Variants in ZCWPW1 observed in about 807,000 individuals in gnomAD.
ZCWPW1 encodes the protein zinc finger CW-type and PWWP domain containing 1, also known as zinc finger CW-type PWWP domain protein 1.
A neutral mutation model predicts 81.3 loss-of-function variants in ZCWPW1; 56 were observed. That is an observed-to-expected ratio of 0.69 (90% CI 0.56 to 0.86). The LOEUF is 0.86. ZCWPW1 is among the 40% of genes least tolerant of loss of function. ZCWPW1 has a pLI of 0.00. For missense variants in ZCWPW1, 650 were observed against 769.8 expected, an observed-to-expected ratio of 0.84 and a Z score of 1.84; for synonymous variants, 250 against 273.7, an observed-to-expected ratio of 0.91 and a Z score of 0.86.
At chr7:100,418,318 GTTGT>G (rs1174298229) in intron 5 of ZCWPW1, among the ~76,000 whole-genome samples, 2 of 152,154 alleles carry the variant, frequency 1.3e-5, no homozygotes, top group Non-Finnish European at 2.9e-5. Flanking sequence ...CTTATTTGAA[GTTGT>G]TTGTAAATAC....
chr7:100,402,075 A>G (rs1186302533), intron 16 of ZCWPW1, 34 bp from the exon 17 acceptor site: 1 of 1,579,646 alleles, frequency 6.3e-7, no homozygotes, highest in Non-Finnish European at 8.6e-7. Context: ...ATTTCTCTCT[A>G]AACGACAACT....
chr7:100,415,960 A>G lies in ZCWPW1; in HGVS notation c.754+15T>C, dbSNP rs759313768. 1 of 1,613,816 alleles carries G rather than the reference A, an allele frequency of 6.2e-7. No individual in the cohort carries two copies. The highest frequency in any genetic ancestry group is 8.5e-7 in the Non-Finnish European group (1 of 1,179,918). ...TTTTCAGGCCAAGTAGGTTTGCCAA[A>G]CCAGCTAAACTCACCAAAACCACTT... On this transcript the variant is annotated intron_variant, in intron 8 of 17. Transcript: ENST00000684423.
chr7:100,423,798 G>T (rs1796781312), intron 2 of ZCWPW1, among the ~76,000 whole-genome samples: 1 of 152,132 alleles, frequency 6.6e-6, no homozygotes, highest in South Asian at 2.1e-4. Flanking sequence ...GCCAGGCATG[G>T]TGGCTCACAC....
intron 8 of ZCWPW1, among the ~76,000 whole-genome samples, chr7:100,412,581 T>A (rs201675679): frequency 9.8e-5 from 15 of 152,292 alleles, no homozygotes; most frequent in East Asian, 9.6e-4. Context: ...ATTTTATTTT[T>A]TTTTTATTTA....
At chr7:100,423,096 A>T (rs1164593733) in intron 2 of ZCWPW1, among the ~76,000 whole-genome samples, 3 of 152,178 alleles carry the variant, frequency 2.0e-5, no homozygotes, top group Admixed American at 6.6e-5. Context: ...ACCTTTAGGG[A>T]TAATAAAGCC....
At chr7:100,428,360 A>C (rs1798144722) in intron 1 of ZCWPW1, among the ~76,000 whole-genome samples, 2 of 152,144 alleles carry the variant, frequency 1.3e-5, no homozygotes, top group Non-Finnish European at 2.9e-5. Context: ...TCCGCAGCTG[A>C]GGTAAATCCG....
chr7:100,422,333 T>G (rs1796508120), intron 2 of ZCWPW1, among the ~76,000 whole-genome samples: 2 of 152,174 alleles, frequency 1.3e-5, no homozygotes, highest in Admixed American at 1.3e-4. Flanking sequence ...TAGCGTATAC[T>G]GAAACACATA....
intron 8 of ZCWPW1, among the ~76,000 whole-genome samples, chr7:100,412,246 T>C (rs1794320735): frequency 6.6e-6 from 1 of 152,248 alleles, no homozygotes; most frequent in Non-Finnish European, 1.5e-5. Flanking sequence ...AACACAGCTG[T>C]CTACTTACAG....
intron 12 of ZCWPW1, among the ~76,000 whole-genome samples, chr7:100,405,865 T>C (rs1416663162): frequency 6.6e-6 from 1 of 152,174 alleles, no homozygotes; most frequent in Admixed American, 6.5e-5. Context: ...GCTCAGGCGA[T>C]CTGCCCACCT....
chr7:100,403,965 C>CT (rs1792454223), intron 14 of ZCWPW1, among the ~76,000 whole-genome samples, 180 bp from the exon 15 acceptor site: 1 of 152,144 alleles, frequency 6.6e-6, no homozygotes, highest in Non-Finnish European at 1.5e-5. Flanking sequence ...TCAATACACC[C>CT]TCCCTCCCCA....
intron 13 of ZCWPW1, 135 bp downstream of exon 13, chr7:100,404,878 C>G: frequency 1.3e-6 from 1 of 789,946 alleles, no homozygotes; most frequent in South Asian, 2.1e-5. Flanking sequence ...GGTTAGGGCA[C>G]TTATATCTGA....
intron 8 of ZCWPW1, among the ~76,000 whole-genome samples, chr7:100,412,124 A>G (rs929932598): frequency 2.6e-5 from 4 of 151,870 alleles, no homozygotes; most frequent in Admixed American, 1.3e-4. Flanking sequence ...CAATCTCTAA[A>G]TGTCAGGGGT....
At chr7:100,407,155 T>G (rs1793183845) in intron 11 of ZCWPW1, 73 bp downstream of exon 11, 1 of 1,394,728 alleles carries the variant, frequency 7.2e-7, no homozygotes. Context: ...GTCTCTTATC[T>G]GTACGTCTGT....
At chr7:100,424,766 C>G (rs1486027426) in intron 2 of ZCWPW1, among the ~76,000 whole-genome samples, 1 of 152,024 alleles carries the variant, frequency 6.6e-6, no homozygotes, top group African/African-American at 2.4e-5. Flanking sequence ...GGCCGAAATT[C>G]TTTAAGTAAA....
intron 3 of ZCWPW1, 78 bp from the exon 4 acceptor site, chr7:100,419,961 C>T (rs1359142378): frequency 8.3e-7 from 1 of 1,200,696 alleles, no homozygotes; most frequent in Non-Finnish European, 1.2e-6. Flanking sequence ...CTTTGACTAG[C>T]CATAACAGAA....
chr7:100,402,698 T>C, intron 15 of ZCWPW1, 122 bp from the exon 16 acceptor site: 2 of 972,214 alleles, frequency 2.1e-6, no homozygotes, highest in South Asian at 2.7e-5. Flanking sequence ...TCTGTGAGCC[T>C]GATATTGTTT....
intron 1 of ZCWPW1, among the ~76,000 whole-genome samples, chr7:100,426,490 C>A (rs1282918152): frequency 4.5e-5 from 5 of 111,254 alleles, no homozygotes; most frequent in Non-Finnish European, 9.2e-5. Context: ...GAGACTCTGT[C>A]TCAAAAAAAA....
chr7:100,404,623 G>A (rs1411001685), intron 13 of ZCWPW1, among the ~76,000 whole-genome samples: 1 of 152,112 alleles, frequency 6.6e-6, no homozygotes, highest in Non-Finnish European at 1.5e-5. Context: ...GCCTCCCAAA[G>A]TGCTAGGATT....
intron 2 of ZCWPW1, among the ~76,000 whole-genome samples, chr7:100,421,606 A>G (rs894749813): frequency 1.3e-5 from 2 of 152,170 alleles, no homozygotes; most frequent in African/African-American, 4.8e-5. Context: ...CTACCTTAGC[A>G]CCTAATAATG....
Sources: allele counts gnomAD v4.1 joint callset (sites outside exome capture counted in the v4.1 genomes callset), GRCh38; gene constraint gnomAD v4.1.1; transcripts MANE v1.5; gene names NCBI Gene and HGNC (gene_info 2026-07-23, HGNC 2026-07-21).